TRPM6: variants seen among roughly 807,000 people sequenced by gnomAD.
The protein encoded by TRPM6 is transient receptor potential cation channel subfamily M member 6.
In TRPM6, 111 loss-of-function variants were observed where a neutral mutation model predicts 247.6. That is an observed-to-expected ratio of 0.45 (90% CI 0.38 to 0.52). The LOEUF (loss-of-function observed/expected upper bound fraction) is 0.52, where lower values mean the gene tolerates loss of function less well. Among genes scored for constraint, TRPM6 ranks in the 20% least tolerant of loss-of-function variants. TRPM6 has a pLI of 0.00. For synonymous variants in TRPM6, 892 were observed against 853.8 expected, an observed-to-expected ratio of 1.04 and a Z score of -0.78; for missense variants, 2,126 against 2,421.5, an observed-to-expected ratio of 0.88 and a Z score of 2.56.
intron 3 of TRPM6, among the ~76,000 whole-genome samples, chr9:74,853,796 C>G (rs1003896264): frequency 2.0e-5 from 3 of 152,128 alleles, no homozygotes; most frequent in Admixed American, 2.0e-4. Flanking sequence ...CTTCCCTCCA[C>G]TATTGTCCTA....
intron 3 of TRPM6, among the ~76,000 whole-genome samples, chr9:74,853,821 C>G (rs1174971904): frequency 6.6e-6 from 1 of 151,844 alleles, no homozygotes; most frequent in Non-Finnish European, 1.5e-5. Context: ...CCTGCCAAAT[C>G]CCCCTCTCCG....
At chr9:74,823,626 C>T (rs917386910) in intron 7 of TRPM6, among the ~76,000 whole-genome samples, 2 of 152,066 alleles carry the variant, frequency 1.3e-5, no homozygotes, top group South Asian at 2.1e-4. Flanking sequence ...AACTAATAGA[C>T]ATAGGGTTTC....
intron 1 of TRPM6, chr9:74,887,331 C>T (rs1831568383): frequency 7.2e-7 from 1 of 1,393,702 alleles, no homozygotes; most frequent in Non-Finnish European, 9.3e-7. Context: ...GGCACTTCTC[C>T]AGCCGCCTCG....
chr9:74,737,731 G>A (rs1825739885), intron 36 of TRPM6, among the ~76,000 whole-genome samples: 1 of 152,084 alleles, frequency 6.6e-6, no homozygotes, highest in Admixed American at 6.6e-5. Context: ...TGAACTTCCT[G>A]GACTAAATCT....
intron 19 of TRPM6, among the ~76,000 whole-genome samples, chr9:74,790,761 G>T (rs1015467934): frequency 6.6e-6 from 1 of 152,184 alleles, no homozygotes; most frequent in Non-Finnish European, 1.5e-5. Flanking sequence ...GAATCTGGAA[G>T]ATTTATAAGC....
Position 74,821,688 on chromosome 9 carries a change from T to C in TRPM6, c.991A>G (p.Lys331Glu). The C allele has an allele frequency of 6.2e-7, 1 of 1,614,230 alleles. No homozygotes were observed. The highest frequency in any genetic ancestry group is 8.5e-7 in the Non-Finnish European group (1 of 1,180,040). Residue 331 changes from lysine to glutamate, a missense_variant, in exon 8 of 39, where the codon AAA becomes GAA. Coordinates refer to ENST00000360774, the MANE Select transcript of TRPM6 (RefSeq NM_017662.5). ...ACTCACCCTTCATCTGCCAGGTGTT[T>C]GTGTGTGAAGGCCAGGAGGTCAGCC... ...RAADLLAFTH[K>E]HLADEGMLRP...
At position 74,739,843 on chromosome 9, in the gene TRPM6, C is replaced by T; in HGVS notation, c.5367G>A (p.Trp1789Ter). ...LRKAMRVVST[W>*]SEDDILKPGQ... The stretch of plus-strand genomic sequence containing the variant: ...CCGGCTTGAGAATGTCATCCTCAGA[C>T]CAAGTGCTGACGACTCTCATAGCTT... The change falls in exon 34 of 39, where the codon TGG becomes TGA. Residue 1789 changes from tryptophan to a stop codon, truncating the protein, a stop_gained. Coordinates refer to ENST00000360774, the MANE Select transcript of TRPM6 (RefSeq NM_017662.5). LOFTEE classifies it high-confidence loss of function. 1 of 1,614,164 alleles carries T rather than the reference C, an allele frequency of 6.2e-7. No individual in the cohort carries two copies. The highest frequency in any genetic ancestry group is 8.5e-7 in the Non-Finnish European group (1 of 1,180,036).
intron 7 of TRPM6, among the ~76,000 whole-genome samples, chr9:74,824,518 A>G (rs999479474): frequency 5.4e-5 from 2 of 37,024 alleles, no homozygotes; most frequent in East Asian, 8.2e-4. Flanking sequence ...TCTGAAAAAA[A>G]AAAAAAAAAA....
At position 74,816,959 on chromosome 9, in the gene TRPM6, G is replaced by A. The variant is rs1250047620; in HGVS notation, c.1140C>T (p.Thr380=). 3 of 1,613,596 alleles carry A rather than the reference G, an allele frequency of 1.9e-6. No individual in the cohort carries two copies. The highest frequency in any genetic ancestry group is 1.3e-5 in the African/African-American group (1 of 74,890). Residue 380 remains threonine, a synonymous_variant, in exon 10 of 39, where the codon ACC becomes ACT. Transcript: ENST00000360774. ...GCTCTTCAGAGTCAGCATCAAATAT[G>A]GTAATCTACAACAGTGAAAAACAGA... ...MECMVHRDCI[T]IFDADSEEQQ...
chr9:74,859,691 T>C (rs1469241727), intron 1 of TRPM6, among the ~76,000 whole-genome samples: 2 of 151,886 alleles, frequency 1.3e-5, no homozygotes, highest in Non-Finnish European at 2.9e-5. Context: ...TGAGAATCGC[T>C]TGAACCTGGC....
At chr9:74,764,449 T>C (rs1826758952) in intron 25 of TRPM6, among the ~76,000 whole-genome samples, 1 of 152,122 alleles carries the variant, frequency 6.6e-6, no homozygotes, top group African/African-American at 2.4e-5. Flanking sequence ...TTGACTAGAA[T>C]GATGCATCTA....
chr9:74,762,001 T>G lies in TRPM6; in HGVS notation c.4670A>C (p.Lys1557Thr). The change falls in exon 26 of 39, where the codon AAA (lysine) becomes ACA (threonine). Residue 1557 changes from lysine (K) to threonine (T), a missense_variant and splice_region_variant. Around this residue, in one of 3 missense-constraint regions of TRPM6, gnomAD observed 717 missense variants for 715.9 expected, o/e 1.00. Transcript: ENST00000360774. Reference protein sequence around the residue: ...EEKLMKICKIKNLSGSSEIGQ... With the variant: ...EEKLMKICKITNLSGSSEIGQ... ...TATTTTAAATGTTTATTCCTTACTTTTAATCTTACAGATCTTCATCAATTT... is the reference window on the plus strand; with the variant it reads ...TATTTTAAATGTTTATTCCTTACTTGTAATCTTACAGATCTTCATCAATTT... 3 of 1,613,864 alleles carry G rather than the reference T, an allele frequency of 1.9e-6. No homozygotes were observed. Among genetic ancestry groups the G allele is most frequent in the Non-Finnish European group, 2.5e-6 (3 of 1,179,788 alleles).
chr9:74,777,230 G>A (rs1827256265), intron 23 of TRPM6, among the ~76,000 whole-genome samples: 1 of 152,164 alleles, frequency 6.6e-6, no homozygotes, highest in African/African-American at 2.4e-5. Context: ...TCACTCCAAC[G>A]TGACAACAGC....
chr9:74,763,612 GAA>G (rs1295706439), intron 25 of TRPM6, among the ~76,000 whole-genome samples: 1 of 150,346 alleles, frequency 6.7e-6, no homozygotes, highest in Admixed American at 6.6e-5. Flanking sequence ...TTAAGAAAAA[GAA>G]AAAAAACACA....
At chr9:74,819,007 T>C (rs1478749780) in intron 9 of TRPM6, among the ~76,000 whole-genome samples, 1 of 152,110 alleles carries the variant, frequency 6.6e-6, no homozygotes, top group Non-Finnish European at 1.5e-5. Flanking sequence ...TCTGAGTCAT[T>C]GATATGAATT....
chr9:74,850,432 A>G (rs1830261640), intron 3 of TRPM6, among the ~76,000 whole-genome samples: 1 of 144,278 alleles, frequency 6.9e-6, no homozygotes, highest in Non-Finnish European at 1.5e-5. Flanking sequence ...GTAAAAACCA[A>G]CGTAAGGCCG....
intron 1 of TRPM6, among the ~76,000 whole-genome samples, chr9:74,877,685 T>C (rs1380747498): frequency 2.0e-5 from 3 of 152,150 alleles, no homozygotes; most frequent in Non-Finnish European, 2.9e-5. Context: ...TGCTCCATAT[T>C]GGGGTCACCA....
intron 5 of TRPM6, among the ~76,000 whole-genome samples, chr9:74,836,777 G>T (rs549486318): frequency 6.6e-6 from 1 of 152,118 alleles, no homozygotes; most frequent in Non-Finnish European, 1.5e-5. Context: ...ACACACTCCA[G>T]CCAGGAGCTT....
At chr9:74,789,978 A>G (rs1030837819) in intron 19 of TRPM6, among the ~76,000 whole-genome samples, 7 of 147,122 alleles carry the variant, frequency 4.8e-5, no homozygotes, top group East Asian at 4.0e-4. Flanking sequence ...AAAAAAAAAA[A>G]AAAAAAAGAA....
Sources: gnomAD v4.1 joint callset for allele counts (sites outside exome capture counted in the v4.1 genomes callset) on GRCh38, gnomAD v4.1.1 for gene constraint, gnomAD v4.1.1 regional missense constraint, MANE v1.5 for transcripts, NCBI Gene and HGNC (gene_info 2026-07-23, HGNC 2026-07-21) for gene names.